TEX14: variants seen among roughly 807,000 people sequenced by gnomAD.
TEX14 encodes the protein inactive serine/threonine-protein kinase TEX14.
In TEX14, 168 loss-of-function variants were observed where a neutral mutation model predicts 178.6. That is an observed-to-expected ratio of 0.94 (90% CI 0.83 to 1.07). TEX14 has a LOEUF of 1.07. Ranked by LOEUF, TEX14 falls within the 50% of genes least tolerant of loss-of-function variation. The pLI is 0.00. For missense variants in TEX14, 1,730 were observed against 1,753.6 expected (o/e 0.99, Z 0.24); for synonymous variants, 626 against 634.1 (o/e 0.99, Z 0.19).
chr17:58,679,188 G>A (rs1211281887), intron 1 of TEX14, among the ~76,000 whole-genome samples: 2 of 151,974 alleles, frequency 1.3e-5, no homozygotes, highest in African/African-American at 4.8e-5. Context: ...GACTCTGGAG[G>A]TCCACAAAAA....
At position 58,607,465 on chromosome 17, in the gene TEX14, C is replaced by T. The variant is rs537522035; in HGVS notation, c.1185-2336G>A. Among the ~76,000 whole-genome samples the T allele has an allele frequency of 2.7e-3, 402 of 150,982 alleles. 1 individual carries two copies. The highest frequency in any genetic ancestry group is 9.2e-3 in the African/African-American group (379 of 41,100). On this transcript the variant is annotated intron_variant, in intron 10 of 31. Transcript: ENST00000349033. Reference sequence around the variant, plus strand: ...CTGGTGTTCCTGTCAACCTCCAATCCATCCTGCCCCTGTATCCTGGAGACA... The same window carrying T: ...CTGGTGTTCCTGTCAACCTCCAATCTATCCTGCCCCTGTATCCTGGAGACA...
Position 58,587,626 on chromosome 17 carries a change from CT to C in TEX14, c.2742del (p.Glu915SerfsTer12). On this transcript the variant is annotated frameshift_variant, in exon 17 of 32. Coordinates refer to ENST00000349033, the MANE Select transcript of TEX14 (RefSeq NM_031272.5). LOFTEE classifies it high-confidence loss of function. Reference protein sequence around the residue: ...VEPVSSEIYNAESRNKDDGKV... With the variant: ...VEPVSSEIYNXESRNKDDGKV... ...TTTCCATCATCTTTATTTCTGGACT[CT>C]GCATTATAGATTTCAGAAGAAACAG... 1 of 1,608,490 alleles carries C rather than the reference CT, an allele frequency of 6.2e-7. No individual in the cohort carries two copies. Among genetic ancestry groups the C allele is most frequent in the Non-Finnish European group, 8.5e-7 (1 of 1,178,142 alleles).
intron 2 of TEX14, chr17:58,631,614 A>T (rs1013321191): frequency 1.3e-5 from 2 of 148,338 alleles, no homozygotes; most frequent in South Asian, 2.2e-4. Context: ...AACTACTATT[A>T]ACATCTGAAA....
intron 19 of TEX14, chr17:58,581,845 G>A: frequency 8.7e-7 from 1 of 1,145,228 alleles, no homozygotes; most frequent in South Asian, 1.5e-5. Flanking sequence ...CAGTCAGTGT[G>A]ACACTGAGCT....
At chr17:58,570,523 T>A (rs768042680) in intron 24 of TEX14, 39 bp from the exon 25 acceptor site, 3 of 1,461,214 alleles carry the variant, frequency 2.1e-6, no homozygotes, top group Non-Finnish European at 2.7e-6. Context: ...GTCATGTGTG[T>A]TGAGCTAAAA....
intron 2 of TEX14, among the ~76,000 whole-genome samples, chr17:58,636,138 C>T (rs565434235): frequency 1.3e-5 from 2 of 152,294 alleles, no homozygotes; most frequent in East Asian, 3.9e-4. Flanking sequence ...TAGGTGAAAA[C>T]CTCTGTCCCT....
chr17:58,628,849 C>T (rs2046212511), intron 3 of TEX14, among the ~76,000 whole-genome samples: 1 of 151,722 alleles, frequency 6.6e-6, no homozygotes, highest in Non-Finnish European at 1.5e-5. Flanking sequence ...AGCGCCACTG[C>T]ACTCCAGCCT....
chr17:58,671,277 G>A (rs1420398687), intron 1 of TEX14, among the ~76,000 whole-genome samples: 2 of 152,088 alleles, frequency 1.3e-5, no homozygotes, highest in Non-Finnish European at 2.9e-5. Flanking sequence ...CTGGTGCTGG[G>A]GGACATCACC....
chr17:58,559,311 C>G, intron 30 of TEX14, 142 bp downstream of exon 30: 1 of 518,188 alleles, frequency 1.9e-6, no homozygotes, highest in South Asian at 3.5e-5. Flanking sequence ...TAACAGAAAA[C>G]CTGAGCTGAA....
At chr17:58,685,503 G>A (rs2047576077) in intron 1 of TEX14, among the ~76,000 whole-genome samples, 1 of 151,060 alleles carries the variant, frequency 6.6e-6, no homozygotes, top group Non-Finnish European at 1.5e-5. Flanking sequence ...GGAGGGAGAG[G>A]TAATATTATA....
intron 14 of TEX14, among the ~76,000 whole-genome samples, chr17:58,594,623 G>A (rs910679157): frequency 5.9e-5 from 9 of 152,028 alleles, no homozygotes; most frequent in Non-Finnish European, 1.3e-4. Context: ...AAAGTACAGG[G>A]ATTACAGGCG....
At chr17:58,601,100 T>C (rs2045425300) in intron 13 of TEX14, among the ~76,000 whole-genome samples, 1 of 151,878 alleles carries the variant, frequency 6.6e-6, no homozygotes, top group Non-Finnish European at 1.5e-5. Flanking sequence ...AAAAAACTTT[T>C]TTAGGCCAGG....
chr17:58,605,062 C>T lies in TEX14; in HGVS notation c.1252G>A (p.Ala418Thr), dbSNP rs537814691. 14 of 1,614,150 alleles carry T rather than the reference C, an allele frequency of 8.7e-6. No individual in the cohort carries two copies. The highest frequency in any genetic ancestry group is 4.5e-5 in the East Asian group (2 of 44,888). ...PLPTQLYNWA[A>T]PEVILQKAAT... ...GCCTTCTGTAAGATCACTTCTGGTG[C>T]GGCCCAGTTGTATAGCTGCGTAGGA... Residue 418 changes from alanine (A) to threonine (T), a missense_variant, in exon 11 of 32, where the codon GCA becomes ACA. Coordinates refer to ENST00000349033, the MANE Select transcript of TEX14 (RefSeq NM_031272.5).
Position 58,630,526 on chromosome 17 carries a change from C to T in TEX14, c.165G>A (p.Leu55=). ...CCGCAACAAAAAGTGCTGTTTGGCC[C>T]AAGGAGTTAACTGCATCAACATAAA... ...KGIYVDAVNS[L]GQTALFVAAL... The change falls in exon 3 of 32, where the codon TTG becomes TTA. Residue 55 remains leucine, a synonymous_variant. Coordinates refer to ENST00000349033, the MANE Select transcript of TEX14 (RefSeq NM_031272.5). The T allele has an allele frequency of 1.2e-6, 2 of 1,613,564 alleles. No homozygotes were observed. Among genetic ancestry groups the T allele is most frequent in the Non-Finnish European group, 1.7e-6 (2 of 1,179,762 alleles).
intron 2 of TEX14, among the ~76,000 whole-genome samples, chr17:58,638,104 C>T (rs914344212): frequency 1.3e-5 from 2 of 152,114 alleles, no homozygotes; most frequent in Non-Finnish European, 2.9e-5. Context: ...TCATGATCCA[C>T]CTGCCTCAGC....
chr17:58,605,362 T>G (rs1050387820), intron 10 of TEX14, among the ~76,000 whole-genome samples: 4 of 152,178 alleles, frequency 2.6e-5, no homozygotes, highest in African/African-American at 9.6e-5. Flanking sequence ...GCCCGGCTAA[T>G]TTTTGTATTT....
intron 29 of TEX14, 150 bp from the exon 30 acceptor site, chr17:58,559,712 C>A (rs935442812): frequency 8.4e-6 from 5 of 593,502 alleles, no homozygotes; most frequent in Non-Finnish European, 8.9e-6. Flanking sequence ...ATGCACCAGG[C>A]ATTGGTTTAA....
intron 1 of TEX14, among the ~76,000 whole-genome samples, chr17:58,687,397 T>C (rs982645365): frequency 2.0e-5 from 3 of 152,168 alleles, no homozygotes; most frequent in African/African-American, 7.2e-5. Flanking sequence ...GTCTCGTCTT[T>C]TATTCCCGCA....
At chr17:58,632,603 T>C (rs1229955949) in intron 2 of TEX14, among the ~76,000 whole-genome samples, 1 of 152,204 alleles carries the variant, frequency 6.6e-6, no homozygotes, top group Non-Finnish European at 1.5e-5. Flanking sequence ...GAAAATACTT[T>C]AAATGGTCCA....
Sources: allele counts gnomAD v4.1 joint callset (sites outside exome capture counted in the v4.1 genomes callset), GRCh38; gene constraint gnomAD v4.1.1; transcripts MANE v1.5; gene names NCBI Gene and HGNC (gene_info 2026-07-23, HGNC 2026-07-21).